The following SLC12A4 variants were observed in gnomAD, a reference collection of about 807,000 sequenced individuals.
SLC12A4 encodes electroneutral potassium-chloride cotransporter 1.
Under a neutral mutation model 119.2 loss-of-function variants are expected in SLC12A4, and 84 were observed. That is an observed-to-expected ratio of 0.70 (90% CI 0.59 to 0.85). The LOEUF is 0.85. Among genes scored for constraint, SLC12A4 ranks in the 40% least tolerant of loss-of-function variants. SLC12A4 has a pLI of 0.00. For missense variants in SLC12A4, 1,298 were observed against 1,476.3 expected, an observed-to-expected ratio of 0.88 and a Z score of 1.98; for synonymous variants, 599 against 604.6, an observed-to-expected ratio of 0.99 and a Z score of 0.14.
In SLC12A4 at chr16:67,950,771, C is replaced by T. The variant is rs541409779; in HGVS notation, c.1397-60G>A. 36 of 1,563,194 alleles carry T rather than the reference C, an allele frequency of 2.3e-5. No homozygotes were observed. In the African/African-American group the frequency reaches 3.1e-4, roughly 14 times the overall value. ...ACCCCACTGTCCCTGAATAGTACCACGTGCCCCCACCCCAGCCAGACTACC... is the reference window on the plus strand; with the variant it reads ...ACCCCACTGTCCCTGAATAGTACCATGTGCCCCCACCCCAGCCAGACTACC... On this transcript the variant is annotated intron_variant, in intron 10 of 23. Transcript: ENST00000316341. This position sits in a 1 kb window ranked among gnomAD's most constrained non-coding sequence, Gnocchi z 4.3.
In SLC12A4 at chr16:67,950,396, C is replaced by T. The variant is rs1490398361; in HGVS notation, c.1552G>A (p.Ala518Thr). Residue 518 changes from alanine to threonine, a missense_variant, in exon 12 of 24, where the codon GCT becomes ACT. Coordinates refer to ENST00000316341, the MANE Select transcript of SLC12A4 (RefSeq NM_005072.5). This position sits in a 1 kb window ranked among gnomAD's most constrained non-coding sequence, Gnocchi z 4.3. ...VIGSFFSTCGAGLQSLTGAPR... is the reference protein window; with the variant it reads ...VIGSFFSTCGTGLQSLTGAPR... ...GCCCCTGTGAGGCTCTGGAGGCCAG[C>T]GCCACACGTTGAAAAGAAGGAGCCG... The T allele has an allele frequency of 4.3e-6, 7 of 1,613,870 alleles. No homozygotes were observed. Among genetic ancestry groups the T allele is most frequent in the Admixed American group, 3.3e-5 (2 of 60,004 alleles).
intron 1 of SLC12A4, chr16:67,964,085 G>C (rs920184388): frequency 3.3e-5 from 51 of 1,525,526 alleles, no homozygotes; most frequent in Admixed American, 4.0e-5. Context: ...GCGTCCTGCA[G>C]GGCAGCCCGG....
chr16:67,961,787 C>A, intron 2 of SLC12A4, 81 bp from the exon 3 acceptor site: 1 of 1,571,456 alleles, frequency 6.4e-7, no homozygotes, highest in Non-Finnish European at 8.7e-7. Flanking sequence ...GGTCCCTGGC[C>A]CTGTTCCAAG....
chr16:67,946,411 C>T, intron 18 of SLC12A4, 27 bp downstream of exon 18: 1 of 1,602,878 alleles, frequency 6.2e-7, no homozygotes. Context: ...TTCACCCCTG[C>T]CCACCAGGCC....
chr16:67,949,982 C>G lies in SLC12A4; in HGVS notation c.1630-64G>C. The stretch of plus-strand genomic sequence containing the variant: ...CATTCCACACCTTGGGCCCCAGACC[C>G]CAGCCTGGCCTCCCTCACCCCCAGG... On this transcript the variant is annotated intron_variant, in intron 12 of 23. Transcript: ENST00000316341. This position sits in a 1 kb window ranked among gnomAD's most constrained non-coding sequence, Gnocchi z 4.6. The G allele has an allele frequency of 7.6e-7, 1 of 1,316,196 alleles. No homozygotes were observed. Among genetic ancestry groups the G allele is most frequent in the Non-Finnish European group, 1.1e-6 (1 of 917,440 alleles). 81.5% of individuals were successfully genotyped at this position (1,316,196 alleles called of 1,614,324 possible). A position where few individuals can be genotyped will look rare whatever the true frequency, so the allele number is the denominator to read the frequency against.
rs1205740532 is a variant in SLC12A4 at position 67,951,279 on chromosome 16, C to T, written c.1158G>A (p.Glu386=). ...CATGCTTCTCCACGATGTCACCCTT[C>T]TCCAGGTAGGCGCTCCACAGGTTTT... ...LQENLWSAYL[E]KGDIVEKHGL... is the part of the protein sequence containing the mutation. Residue 386 remains glutamate, a synonymous_variant, in exon 9 of 24, where the codon GAG becomes GAA. Transcript: ENST00000316341. This position sits in a 1 kb window ranked among gnomAD's most constrained non-coding sequence, Gnocchi z 5.2. 6.2e-7 allele frequency: 1 copy of T among 1,613,962 alleles called. No individual in the cohort carries two copies. Among genetic ancestry groups the T allele is most frequent in the Non-Finnish European group, 8.5e-7 (1 of 1,179,910 alleles).
chr16:67,961,759 G>C, intron 2 of SLC12A4, 53 bp from the exon 3 acceptor site: 1 of 1,606,956 alleles, frequency 6.2e-7, no homozygotes, highest in Non-Finnish European at 8.5e-7. Context: ...GGTGCCAGCT[G>C]TGTGGAGCCA....
At position 67,958,028 on chromosome 16, in the gene SLC12A4, G is replaced by T. The variant is rs768674065; in HGVS notation, c.359C>A (p.Thr120Asn). The T allele has an allele frequency of 1.2e-6, 2 of 1,614,066 alleles. No individual in the cohort carries two copies. Among genetic ancestry groups the T allele is most frequent in the South Asian group, 1.1e-5 (1 of 91,080 alleles). The change falls in exon 4 of 24, where the codon ACC (threonine) becomes AAC (asparagine). Residue 120 changes from threonine to asparagine, a missense_variant. Thr to Asn is a moderately conservative substitution (Grantham distance 65, BLOSUM62 0). Transcript: ENST00000316341. ...GCAGGGCAGGTACACCCCCATGAGGGTGCCCATGCTGGGTGCCTATGCGAA... is the reference window on the plus strand; with the variant it reads ...GCAGGGCAGGTACACCCCCATGAGGTTGCCCATGCTGGGTGCCTATGCGAA... The part of the protein sequence containing the change: ...RRAAEAPSMG[T>N]LMGVYLPCLQ...
intron 13 of SLC12A4, among the ~76,000 whole-genome samples, 154 bp from the exon 14 acceptor site, chr16:67,948,313 C>T (rs2058375408): frequency 6.6e-6 from 1 of 152,246 alleles, no homozygotes; most frequent in African/African-American, 2.4e-5. Flanking sequence ...ACCTCCATGG[C>T]CTGAGGCAAT....
chr16:67,968,351 C>A (rs1026350131), intron 1 of SLC12A4, 88 bp downstream of exon 1: 3 of 1,236,074 alleles, frequency 2.4e-6, no homozygotes, highest in African/African-American at 3.2e-5. Flanking sequence ...CGCAAGGTCC[C>A]GGGATAGGTG....
At position 67,951,547 on chromosome 16, in the gene SLC12A4, C is replaced by T. The variant is rs2029905884; in HGVS notation, c.1133-243G>A. 3 of 610,818 alleles carry T rather than the reference C, an allele frequency of 4.9e-6. No homozygotes were observed. Among genetic ancestry groups the T allele is most frequent in the South Asian group, 2.0e-5 (1 of 49,696 alleles). 37.8% of individuals were successfully genotyped at this position (610,818 alleles called of 1,614,324 possible). A position where few individuals can be genotyped will look rare whatever the true frequency, so the allele number is the denominator to read the frequency against. ...AGAGCCCGCCACTGCCCGCCTTCCA[C>T]AGAGGCCTTTATGGATCCTGTGGGA... On this transcript the variant is annotated intron_variant, in intron 8 of 23. Transcript: ENST00000316341. This position sits in a 1 kb window ranked among gnomAD's most constrained non-coding sequence, Gnocchi z 5.2.
chr16:67,968,449 A>G lies in SLC12A4; in HGVS notation c.105T>C (p.Asp35=). 1.3e-6 allele frequency: 2 copies of G among 1,574,780 alleles called. No homozygotes were observed. The highest frequency in any genetic ancestry group is 1.7e-6 in the Non-Finnish European group (2 of 1,166,420). Residue 35 remains aspartate, a synonymous_variant, in exon 1 of 24, where the codon GAT becomes GAC. Transcript: ENST00000316341. Reference sequence around the variant, plus strand: ...AGAACGCGCCCTCACCGTCCGAGTCATCCAGCTCGGCGCGCTCCCCGTAGT... The same window carrying G: ...AGAACGCGCCCTCACCGTCCGAGTCGTCCAGCTCGGCGCGCTCCCCGTAGT... ...WVDYGERAEL[D]DSDGHGNHRE... is the part of the protein sequence containing the mutation.
intron 6 of SLC12A4, 49 bp downstream of exon 6, chr16:67,954,594 G>A: frequency 6.2e-7 from 1 of 1,609,324 alleles, no homozygotes; most frequent in African/African-American, 1.3e-5. Context: ...GGAGTCCAAA[G>A]GGACTGTTTG....
rs1327066747 is a variant in SLC12A4 at position 67,968,529 on chromosome 16, C to T, written c.25G>A (p.Val9Met). Reference sequence around the variant, plus strand: ...TAGTCGCCGCGCCTCGGCCCGTCCACTGGCACCACGGTGAAGTGAGGCATC... The same window carrying T: ...TAGTCGCCGCGCCTCGGCCCGTCCATTGGCACCACGGTGAAGTGAGGCATC... MPHFTVVP[V>M]DGPRRGDYDN... Residue 9 changes from valine to methionine, a missense_variant, in exon 1 of 24, where the codon GTG becomes ATG. Physicochemically the swap from Val to Met is conservative, Grantham distance 21. Coordinates refer to ENST00000316341, the MANE Select transcript of SLC12A4 (RefSeq NM_005072.5). 2 of 1,580,868 alleles carry T rather than the reference C, an allele frequency of 1.3e-6. No homozygotes were observed. Among genetic ancestry groups the T allele is most frequent in the South Asian group, 2.3e-5 (2 of 88,180 alleles).
At chr16:67,946,736 G>A in intron 17 of SLC12A4, 103 bp from the exon 18 acceptor site, 1 of 1,379,332 alleles carries the variant, frequency 7.2e-7, no homozygotes, top group Non-Finnish European at 9.9e-7. Flanking sequence ...GGTGGAGGAG[G>A]GCCTGGGGGC....
rs2151329223 is a variant in SLC12A4 at position 67,951,532 on chromosome 16, A to G, written c.1133-228T>C. 1.6e-6 allele frequency: 1 copy of G among 614,362 alleles called. No homozygotes were observed. The highest frequency in any genetic ancestry group is 2.0e-5 in the South Asian group (1 of 49,672). 38.1% of individuals were successfully genotyped at this position (614,362 alleles called of 1,614,324 possible). On this transcript the variant is annotated intron_variant, in intron 8 of 23. Coordinates refer to ENST00000316341, the MANE Select transcript of SLC12A4 (RefSeq NM_005072.5). This position sits in a 1 kb window ranked among gnomAD's most constrained non-coding sequence, Gnocchi z 5.2. ...GAACCACCGTCACCCAGAGCCCGCC[A>G]CTGCCCGCCTTCCACAGAGGCCTTT...
intron 1 of SLC12A4, among the ~76,000 whole-genome samples, chr16:67,968,206 G>A (rs1163504937): frequency 6.6e-6 from 1 of 152,084 alleles, no homozygotes; most frequent in East Asian, 1.9e-4. Context: ...GGGCCCACAG[G>A]GGAGGAGCTG....
intron 5 of SLC12A4, chr16:67,957,503 A>G: frequency 5.3e-6 from 3 of 561,074 alleles, no homozygotes; most frequent in South Asian, 2.2e-5. Flanking sequence ...TACAGTAAAC[A>G]TACATTGCCC....
chr16:67,954,803 G>A, intron 5 of SLC12A4, 30 bp from the exon 6 acceptor site: 2 of 1,613,326 alleles, frequency 1.2e-6, no homozygotes, highest in African/African-American at 1.3e-5. Context: ...GTGTGCACAG[G>A]TCAAGGCTGG....
Sources: allele counts gnomAD v4.1 joint callset (sites outside exome capture counted in the v4.1 genomes callset), GRCh38; gene constraint gnomAD v4.1.1; non-coding constraint Gnocchi (gnomAD v3.1); transcripts MANE v1.5; gene names NCBI Gene and HGNC (gene_info 2026-07-23, HGNC 2026-07-21).